Variants in NPY5R observed in about 807,000 individuals in gnomAD.
The protein encoded by NPY5R is neuropeptide Y receptor type 5.
A neutral mutation model predicts 24.8 loss-of-function variants in NPY5R; 21 were observed. That is an observed-to-expected ratio of 0.85 (90% CI 0.60 to 1.22). NPY5R has a LOEUF of 1.22. NPY5R is among the 50% of genes most tolerant of loss of function. NPY5R has a pLI of 0.00. For missense variants in NPY5R, 481 were observed against 521.3 expected, an observed-to-expected ratio of 0.92 and a Z score of 0.75; for synonymous variants, 175 against 183.0, an observed-to-expected ratio of 0.96 and a Z score of 0.35.
chr4:163,350,844 T>C lies in NPY5R; in HGVS notation c.571T>C (p.Leu191=). ...ACTTCAAGAAACATTTGGTTCAGCA[T>C]TGCTGAGCAGCAGGTATTTATGTGT... ...VELQETFGSA[L]LSSRYLCVES... is the part of the protein sequence containing the mutation. Residue 191 remains leucine, a synonymous_variant, in exon 4 of 4, where the codon TTG becomes CTG. Coordinates refer to ENST00000338566, the MANE Select transcript of NPY5R (RefSeq NM_006174.4). 1.2e-6 allele frequency: 2 copies of C among 1,614,202 alleles called. No individual in the cohort carries two copies. Among genetic ancestry groups the C allele is most frequent in the Non-Finnish European group, 1.7e-6 (2 of 1,180,012 alleles).
chr4:163,344,179 G>C (rs945416296), intron 1 of NPY5R, 179 bp downstream of exon 1: 1 of 152,942 alleles, frequency 6.5e-6, no homozygotes, highest in African/African-American at 2.4e-5. Context: ...AAGGTGAAGG[G>C]AGCGCGGCTG....
chr4:163,350,046 G>T (rs1172785167), intron 3 of NPY5R, among the ~76,000 whole-genome samples: 2 of 146,012 alleles, frequency 1.4e-5, no homozygotes, highest in Non-Finnish European at 3.0e-5. Flanking sequence ...GGAGCTTGCA[G>T]TGAGCCGAGA....
Position 163,350,899 on chromosome 4 carries a change from T to C in NPY5R, c.626T>C (p.Ile209Thr), listed in dbSNP as rs1219624915. 6.2e-7 allele frequency: 1 copy of C among 1,614,048 alleles called. No homozygotes were observed. Among genetic ancestry groups the C allele is most frequent in the Non-Finnish European group, 8.5e-7 (1 of 1,180,034 alleles). ...VESWPSDSYR[I>T]AFTISLLLVQ... ...TCATGGCCATCTGATTCATACAGAA[T>C]TGCCTTTACTATCTCTTTATTGCTA... Residue 209 changes from isoleucine (I) to threonine (T), a missense_variant, in exon 4 of 4, where the codon ATT becomes ACT. Physicochemically the swap from Ile to Thr is moderately conservative, Grantham distance 89 (BLOSUM62 -1). Coordinates refer to ENST00000338566, the MANE Select transcript of NPY5R (RefSeq NM_006174.4).
At chr4:163,345,088 AT>A (rs1365287843) in intron 1 of NPY5R, 2 of 152,200 alleles carry the variant, frequency 1.3e-5, no homozygotes, top group African/African-American at 4.8e-5. Context: ...AATTACATAT[AT>A]TTTATTCTTT....
Position 163,345,762 on chromosome 4 carries a change from A to G in NPY5R, c.-81+9A>G, listed in dbSNP as rs1376416601. The G allele has an allele frequency of 6.6e-6, 1 of 152,184 alleles. No individual in the cohort carries two copies. The highest frequency in any genetic ancestry group is 2.4e-5 in the African/African-American group (1 of 41,432). 9.4% of individuals were successfully genotyped at this position (152,184 alleles called of 1,614,324 possible). ...AAAAAGGAAGGGAAAGGGTAAGTTT[A>G]ATGGAAAAAATCCTGCTTTTTTGTT... On this transcript the variant is annotated intron_variant, in intron 2 of 3. Transcript: ENST00000338566.
intron 3 of NPY5R, among the ~76,000 whole-genome samples, chr4:163,348,917 C>A (rs968987445): frequency 1.3e-5 from 2 of 152,164 alleles, no homozygotes; most frequent in African/African-American, 4.8e-5. Flanking sequence ...ACAATGAATT[C>A]ATTGACTCGT....
chr4:163,349,527 C>A (rs1240869485), intron 3 of NPY5R, among the ~76,000 whole-genome samples: 1 of 151,992 alleles, frequency 6.6e-6, no homozygotes, highest in Non-Finnish European at 1.5e-5. Flanking sequence ...TTAAGTTTGG[C>A]CTAGATTGAG....
At chr4:163,349,384 A>C (rs1395988570) in intron 3 of NPY5R, 2 of 833,838 alleles carry the variant, frequency 2.4e-6, no homozygotes, top group African/African-American at 3.7e-5. Context: ...TAAATAAACA[A>C]GGTAGATGGG....
In NPY5R at chr4:163,348,711, T is replaced by G. The variant is rs186847582; in HGVS notation, c.-10+1189T>G. On this transcript the variant is annotated intron_variant, in intron 3 of 3. Coordinates refer to ENST00000338566, the MANE Select transcript of NPY5R (RefSeq NM_006174.4). ...TTTTTAAACGAGAGGAGGGAGTCCT[T>G]TTGCCTCTTATTGGTATGTTATAGG... 1.5e-4 allele frequency among the ~76,000 whole-genome samples: 23 copies of G among 152,106 alleles called. No individual in the cohort carries two copies. In the East Asian group the frequency reaches 4.1e-3, roughly 27 times the overall value.
In NPY5R at chr4:163,351,714, A is replaced by C. The variant is rs537896391; in HGVS notation, c.*103A>C. The stretch of plus-strand genomic sequence containing the variant: ...ATAAATAGAAATTTTGTTAACATGG[A>C]ATTTAATTTATGTGAAAGAGTTCTG... On this transcript the variant is annotated 3_prime_UTR_variant, in exon 4 of 4. Transcript: ENST00000338566. 56 of 765,100 alleles carry C rather than the reference A, an allele frequency of 7.3e-5. 1 individual carries two copies. The South Asian group carries it at 8.5e-4, about 12-fold the overall frequency. 47.4% of individuals were successfully genotyped at this position (765,100 alleles called of 1,614,324 possible).
chr4:163,351,090 G>A lies in NPY5R; in HGVS notation c.817G>A (p.Gly273Ser), dbSNP rs749361936. The A allele has an allele frequency of 2.8e-5, 45 of 1,614,022 alleles. No homozygotes were observed. Among genetic ancestry groups the A allele is most frequent in the Non-Finnish European group, 3.4e-5 (40 of 1,180,010 alleles). Residue 273 changes from glycine to serine, a missense_variant, in exon 4 of 4, where the codon GGC becomes AGC. Coordinates refer to ENST00000338566, the MANE Select transcript of NPY5R (RefSeq NM_006174.4). ...KKSGPQVKLS[G>S]SHKWSYSFIK... The stretch of plus-strand genomic sequence containing the variant: ...GAGTGGGCCTCAGGTGAAACTCTCT[G>A]GCAGCCATAAATGGAGTTATTCATT...
At chr4:163,345,884 C>A (rs1375324319) in intron 2 of NPY5R, 131 bp downstream of exon 2, 1 of 152,008 alleles carries the variant, frequency 6.6e-6, no homozygotes, top group Non-Finnish European at 1.5e-5. Context: ...CCCTGGCTAC[C>A]AGGAGGCACT....
Position 163,351,071 on chromosome 4 carries a change from G to T in NPY5R, c.798G>T (p.Gly266=). ...CTCTTCATCCATCCAAAAAGAGTGG[G>T]CCTCAGGTGAAACTCTCTGGCAGCC... ...NLTLHPSKKS[G]PQVKLSGSHK... Residue 266 remains glycine, a synonymous_variant, in exon 4 of 4, where the codon GGG becomes GGT. Transcript: ENST00000338566. 6.2e-7 allele frequency: 1 copy of T among 1,614,032 alleles called. No homozygotes were observed. Among genetic ancestry groups the T allele is most frequent in the African/African-American group, 1.3e-5 (1 of 75,036 alleles).
At chr4:163,350,156 A>G (rs1450418697) in intron 3 of NPY5R, 109 bp from the exon 4 acceptor site, 2 of 605,260 alleles carry the variant, frequency 3.3e-6, no homozygotes, top group Non-Finnish European at 2.7e-6. Flanking sequence ...GAGATTAATA[A>G]GGTCACGGGA....
In NPY5R at chr4:163,351,035, G is replaced by A. The variant is rs1273350964; in HGVS notation, c.762G>A (p.Met254Ile). The A allele has an allele frequency of 6.2e-7, 1 of 1,614,080 alleles. No individual in the cohort carries two copies. The highest frequency in any genetic ancestry group is 8.5e-7 in the Non-Finnish European group (1 of 1,179,974). ...NKENRLEENEMINLTLHPSKK... is the reference protein window; with the variant it reads ...NKENRLEENEIINLTLHPSKK... The stretch of plus-strand genomic sequence containing the variant: ...AAAACAGACTTGAAGAAAATGAGAT[G>A]ATCAACTTAACTCTTCATCCATCCA... Residue 254 changes from methionine to isoleucine, a missense_variant, in exon 4 of 4, where the codon ATG becomes ATA. Coordinates refer to ENST00000338566, the MANE Select transcript of NPY5R (RefSeq NM_006174.4).
chr4:163,346,666 T>C lies in NPY5R; in HGVS notation c.-80-786T>C, dbSNP rs532047648. On this transcript the variant is annotated intron_variant, in intron 2 of 3. Transcript: ENST00000338566. ...TCCAATGAATACTCAAGATGGCATTTATTTCATCTTCTTACTAAGGAGATG... is the reference window on the plus strand; with the variant it reads ...TCCAATGAATACTCAAGATGGCATTCATTTCATCTTCTTACTAAGGAGATG... Among the ~76,000 whole-genome samples the C allele has an allele frequency of 5.9e-5, 9 of 152,322 alleles. No homozygotes were observed. The South Asian group carries it at 1.9e-3, about 32-fold the overall frequency.
chr4:163,345,406 T>A (rs1302252298), intron 1 of NPY5R: 1 of 152,212 alleles, frequency 6.6e-6, no homozygotes. Flanking sequence ...TTTTTCACAC[T>A]TTTTACTCAG....
In NPY5R at chr4:163,351,514, G is replaced by T; in HGVS notation, c.1241G>T (p.Gly414Val). 1 of 1,613,188 alleles carries T rather than the reference G, an allele frequency of 6.2e-7. No homozygotes were observed. Among genetic ancestry groups the T allele is most frequent in the Non-Finnish European group, 8.5e-7 (1 of 1,179,268 alleles). ...KLVYCICHLLGMMSCCLNPIL... is the reference protein window; with the variant it reads ...KLVYCICHLLVMMSCCLNPIL... ...GTGTATTGCATTTGTCATTTGTTGG[G>T]CATGATGTCCTGTTGTCTTAATCCA... Residue 414 changes from glycine (G) to valine (V), a missense_variant, in exon 4 of 4, where the codon GGC becomes GTC. Coordinates refer to ENST00000338566, the MANE Select transcript of NPY5R (RefSeq NM_006174.4).
At chr4:163,348,728 T>A (rs191675248) in intron 3 of NPY5R, among the ~76,000 whole-genome samples, 1 of 151,900 alleles carries the variant, frequency 6.6e-6, no homozygotes, top group East Asian at 1.9e-4. Context: ...CTTATTGGTA[T>A]GTTATAGGCA....
Sources: allele counts gnomAD v4.1 joint callset (sites outside exome capture counted in the v4.1 genomes callset), GRCh38; gene constraint gnomAD v4.1.1; transcripts MANE v1.5; gene names NCBI Gene and HGNC (gene_info 2026-07-23, HGNC 2026-07-21).